The following PDLIM5 variants were observed in gnomAD, a reference collection of about 807,000 sequenced individuals.
PDLIM5 encodes the protein PDZ and LIM domain protein 5.
In PDLIM5, 34 loss-of-function variants were observed where a neutral mutation model predicts 64.2. That is an observed-to-expected ratio of 0.53 (90% CI 0.40 to 0.71). PDLIM5 has a LOEUF of 0.71. Among genes scored for constraint, PDLIM5 ranks in the 30% least tolerant of loss-of-function variants. PDLIM5 has a pLI of 0.00. For synonymous variants in PDLIM5, 253 were observed against 269.1 expected, an observed-to-expected ratio of 0.94 and a Z score of 0.59; for missense variants, 683 against 733.6, an observed-to-expected ratio of 0.93 and a Z score of 0.80.
chr4:94,657,382 T>C (rs1211911374), intron 10 of PDLIM5, 45 bp from the exon 11 acceptor site: 1 of 1,379,974 alleles, frequency 7.2e-7, no homozygotes, highest in Non-Finnish European at 1.0e-6. Context: ...TTTATGTATT[T>C]ATTGTCATCT....
chr4:94,461,685 C>T (rs1194716641), intron 2 of PDLIM5, among the ~76,000 whole-genome samples: 2 of 152,078 alleles, frequency 1.3e-5, no homozygotes, highest in African/African-American at 4.8e-5. Flanking sequence ...GATGTTGTCA[C>T]CCATTTTTTA....
chr4:94,535,565 C>CA (rs1338281560), intron 3 of PDLIM5, among the ~76,000 whole-genome samples: 2 of 152,216 alleles, frequency 1.3e-5, no homozygotes, highest in East Asian at 3.9e-4. Context: ...CACCTGTAGC[C>CA]ACCTGTTCAT....
At chr4:94,455,215 A>G (rs2126070928) in intron 1 of PDLIM5, 32 bp from the exon 2 acceptor site, 1 of 868,612 alleles carries the variant, frequency 1.2e-6, no homozygotes, top group South Asian at 1.5e-5. Context: ...TCAAGTAAAC[A>G]TTTTTGCTAA....
intron 2 of PDLIM5, among the ~76,000 whole-genome samples, chr4:94,478,911 T>TG (rs1725588426): frequency 6.9e-6 from 1 of 145,298 alleles, no homozygotes; most frequent in African/African-American, 2.7e-5. Flanking sequence ...TTTTTTTTTT[T>TG]TTTTTTAAGA....
chr4:94,474,654 T>A (rs1167297879), intron 2 of PDLIM5, among the ~76,000 whole-genome samples: 2 of 152,164 alleles, frequency 1.3e-5, no homozygotes, highest in East Asian at 3.8e-4. Context: ...TTATTAAAAT[T>A]TTATTTCTTA....
At chr4:94,561,970 C>CT (rs1285939756) in intron 3 of PDLIM5, among the ~76,000 whole-genome samples, 1 of 152,188 alleles carries the variant, frequency 6.6e-6, no homozygotes, top group Non-Finnish European at 1.5e-5. Flanking sequence ...TGGCAGTGAG[C>CT]TTTGCAGACA....
At chr4:94,465,856 T>G (rs1326525154) in intron 2 of PDLIM5, among the ~76,000 whole-genome samples, 1 of 152,208 alleles carries the variant, frequency 6.6e-6, no homozygotes, top group African/African-American at 2.4e-5. Flanking sequence ...TGTTATGCTC[T>G]TATTTCCGAG....
Position 94,666,399 on chromosome 4 carries a change from C to G in PDLIM5, c.*2332C>G. On this transcript the variant is annotated 3_prime_UTR_variant, in exon 13 of 13. Transcript: ENST00000317968. ...CATCTTGGAGGGAGGCAGGAAATTTCTTTTGAAATAAAGTGCTGGAGCTGA... is the reference window on the plus strand; with the variant it reads ...CATCTTGGAGGGAGGCAGGAAATTTGTTTTGAAATAAAGTGCTGGAGCTGA... The G allele has an allele frequency of 1.0e-5, 2 of 199,216 alleles. No homozygotes were observed. The highest frequency in any genetic ancestry group is 2.0e-5 in the Non-Finnish European group (2 of 98,796). 12.3% of individuals were successfully genotyped at this position (199,216 alleles called of 1,614,324 possible).
intron 7 of PDLIM5, chr4:94,610,107 C>G (rs1389364347): frequency 2.0e-6 from 2 of 1,021,730 alleles, no homozygotes; most frequent in African/African-American, 3.2e-5. Flanking sequence ...ATTATGCTAC[C>G]CTTTCTCACT....
chr4:94,526,046 A>G (rs1480173544), intron 3 of PDLIM5, among the ~76,000 whole-genome samples: 1 of 152,230 alleles, frequency 6.6e-6, no homozygotes, highest in Non-Finnish European at 1.5e-5. Context: ...TCAAGAAAGC[A>G]AAACAAATAG....
At chr4:94,603,033 C>T (rs2110354408) in intron 7 of PDLIM5, among the ~76,000 whole-genome samples, 1 of 152,058 alleles carries the variant, frequency 6.6e-6, no homozygotes, top group Middle Eastern at 3.4e-3. Context: ...AGCCTGAATC[C>T]TGGAAGAACT....
chr4:94,555,722 CTA>C (rs1349191720), intron 3 of PDLIM5, among the ~76,000 whole-genome samples: 1 of 151,566 alleles, frequency 6.6e-6, no homozygotes, highest in African/African-American at 2.4e-5. Context: ...TGTGCCAATT[CTA>C]TGTTATTTTA....
intron 2 of PDLIM5, among the ~76,000 whole-genome samples, chr4:94,498,081 A>G (rs1335672433): frequency 6.6e-6 from 1 of 152,188 alleles, no homozygotes; most frequent in African/African-American, 2.4e-5. Context: ...AATCCACATG[A>G]GGATTGACCT....
intron 8 of PDLIM5, among the ~76,000 whole-genome samples, chr4:94,637,197 T>C (rs568509667): frequency 1.4e-4 from 22 of 152,288 alleles, no homozygotes; most frequent in African/African-American, 5.1e-4. Context: ...TCTCTTTGCC[T>C]CAGATTCCTC....
At chr4:94,632,726 G>A (rs1474067040) in intron 8 of PDLIM5, among the ~76,000 whole-genome samples, 1 of 152,178 alleles carries the variant, frequency 6.6e-6, no homozygotes, top group Non-Finnish European at 1.5e-5. Context: ...TTCAAAAGTG[G>A]AAGAGCAGGG....
intron 3 of PDLIM5, among the ~76,000 whole-genome samples, chr4:94,554,034 G>A (rs914273062): frequency 3.3e-5 from 5 of 152,082 alleles, no homozygotes; most frequent in African/African-American, 7.2e-5. Flanking sequence ...TGCCAAGAAC[G>A]AGCTATTCAT....
rs771390083 is a variant in PDLIM5, at chr4:94,455,280, A to G, written c.-9A>G. Reference sequence around the variant, plus strand: ...ATTTTCTGTCATTGGACTTTGAGCCATTAGAACCATGAGCAACTACAGTGT... The same window carrying G: ...ATTTTCTGTCATTGGACTTTGAGCCGTTAGAACCATGAGCAACTACAGTGT... On this transcript the variant is annotated 5_prime_UTR_variant, in exon 2 of 13. Transcript: ENST00000317968. The G allele has an allele frequency of 3.2e-6, 5 of 1,576,140 alleles. No homozygotes were observed. The highest frequency in any genetic ancestry group is 3.5e-6 in the Non-Finnish European group (4 of 1,145,920).
intron 4 of PDLIM5, chr4:94,573,621 T>TAAAA (rs1333184391): frequency 1.2e-5 from 6 of 520,952 alleles, no homozygotes; most frequent in Non-Finnish European, 2.1e-5. Context: ...TATGTTACAA[T>TAAAA]AACTTATGTC....
intron 9 of PDLIM5, among the ~76,000 whole-genome samples, chr4:94,644,255 G>GT (rs1321515553): frequency 1.3e-5 from 2 of 152,134 alleles, no homozygotes; most frequent in African/African-American, 4.8e-5. Context: ...GCATAGAGAA[G>GT]TTACGTATTT....
Sources: gnomAD v4.1 joint callset for allele counts (sites outside exome capture counted in the v4.1 genomes callset) on GRCh38, gnomAD v4.1.1 for gene constraint, MANE v1.5 for transcripts, NCBI Gene and HGNC (gene_info 2026-07-23, HGNC 2026-07-21) for gene names.